The following IRAG1 variants were observed in gnomAD, a reference collection of about 807,000 sequenced individuals.
The protein encoded by IRAG1 is inositol 1,4,5-triphosphate receptor associated 1, also known as IP3R-associated cGMP kinase substrate.
Under a neutral mutation model 106.2 loss-of-function variants are expected in IRAG1, and 62 were observed. The observed-to-expected ratio is 0.58, with a 90% CI of 0.48 to 0.72. The LOEUF is 0.72. Among genes scored for constraint, IRAG1 ranks in the 30% least tolerant of loss-of-function variants. The pLI, the probability that IRAG1 is intolerant of heterozygous loss-of-function variation, is 0.00. For missense variants in IRAG1, 1,064 were observed against 1,140.7 expected, an observed-to-expected ratio of 0.93 and a Z score of 0.97; for synonymous variants, 462 against 443.9, an observed-to-expected ratio of 1.04 and a Z score of -0.51.
At chr11:10,631,835 C>T (rs1327466608) in intron 4 of IRAG1, among the ~76,000 whole-genome samples, 156 bp downstream of exon 4, 4 of 152,220 alleles carry the variant, frequency 2.6e-5, no homozygotes, top group South Asian at 2.1e-4. Context: ...ATATGCTTCT[C>T]CTAGACCCAG....
At chr11:10,652,250 C>G (rs749201156) in intron 1 of IRAG1, 68 bp from the exon 2 acceptor site, 2 of 1,585,584 alleles carry the variant, frequency 1.3e-6, no homozygotes, top group South Asian at 1.1e-5. Flanking sequence ...TTCCATTTCC[C>G]GGAGCCACAA....
At chr11:10,623,164 C>A (rs534816795) in intron 10 of IRAG1, among the ~76,000 whole-genome samples, 1 of 152,172 alleles carries the variant, frequency 6.6e-6, no homozygotes, top group East Asian at 1.9e-4. Flanking sequence ...AGAATGGGGC[C>A]GAGGAAGGGT....
chr11:10,603,128 C>G lies in IRAG1; in HGVS notation c.1867G>C (p.Val623Leu). The change falls in exon 14 of 21, where the codon GTC becomes CTC. Residue 623 changes from valine (V) to leucine (L), a missense_variant. Physicochemically the swap from Val to Leu is conservative, Grantham distance 32 (BLOSUM62 1). Coordinates refer to ENST00000423302, the MANE Select transcript of IRAG1 (RefSeq NM_130385.4). ...LSSRAEVVGAVRQEKRMSKAT... is the reference protein window; with the variant it reads ...LSSRAEVVGALRQEKRMSKAT... ...GGGCTGGAGAGACTCACCTGGCGGA[C>G]GGCGCCTACCACCTCAGCTCGGCTG... 1 of 1,609,316 alleles carries G rather than the reference C, an allele frequency of 6.2e-7. No homozygotes were observed.
chr11:10,574,781 G>C lies in IRAG1; in HGVS notation c.*1551C>G, dbSNP rs1450775338. 6.6e-6 allele frequency: 1 copy of C among 152,220 alleles called. No individual in the cohort carries two copies. The highest frequency in any genetic ancestry group is 6.5e-5 in the Admixed American group (1 of 15,280). The allele number at this position is 152,220 out of a possible 1,614,324, so 9.4% of individuals were successfully genotyped here. On this transcript the variant is annotated 3_prime_UTR_variant, in exon 21 of 21. Coordinates refer to ENST00000423302, the MANE Select transcript of IRAG1 (RefSeq NM_130385.4). ...ACTGAAATGTGAGGCTTCCAGCTAG[G>C]AGACCATCAGAAGAGTCAAGGAGAG...
intron 10 of IRAG1, among the ~76,000 whole-genome samples, chr11:10,610,667 G>C (rs375315362): frequency 1.3e-5 from 2 of 152,226 alleles, no homozygotes; most frequent in African/African-American, 4.8e-5. Context: ...TGCTGTTACA[G>C]AGGCCCAGAT....
At chr11:10,650,735 A>T (rs1858413410) in intron 2 of IRAG1, among the ~76,000 whole-genome samples, 1 of 152,190 alleles carries the variant, frequency 6.6e-6, no homozygotes, top group African/African-American at 2.4e-5. Context: ...TGGACTTGAT[A>T]AAACCCTGGG....
intron 15 of IRAG1, among the ~76,000 whole-genome samples, chr11:10,599,187 C>G (rs921847861): frequency 1.8e-4 from 28 of 152,346 alleles, no homozygotes; most frequent in African/African-American, 6.7e-4. Flanking sequence ...TTTCTTCTGT[C>G]ATAGCACTGG....
rs377618871 is a variant in IRAG1 at position 10,580,580 on chromosome 11, T to G, written c.2370A>C (p.Glu790Asp). Residue 790 changes from glutamate to aspartate, a missense_variant, in exon 20 of 21, where the codon GAA (glutamate) becomes GAC (aspartate). Coordinates refer to ENST00000423302, the MANE Select transcript of IRAG1 (RefSeq NM_130385.4). ...GAAGTTCTTTGGTCTTCTTTAGACC[T>G]TCTTGGAATCTGGGGGGCAAAAAGG... Reference protein sequence around the residue: ...EEEAYSKGFQEGLKKTKELQD... With the variant: ...EEEAYSKGFQDGLKKTKELQD... The G allele has an allele frequency of 6.2e-7, 1 of 1,612,924 alleles. No individual in the cohort carries two copies.
chr11:10,634,950 C>T (rs1857033017), intron 2 of IRAG1, among the ~76,000 whole-genome samples: 1 of 152,106 alleles, frequency 6.6e-6, no homozygotes, highest in Admixed American at 6.5e-5. Context: ...CCTTTATTCC[C>T]CAGCAGGCCC....
In IRAG1 at chr11:10,665,329, T is replaced by C. The variant is rs939590305; in HGVS notation, c.68-13147A>G. ...ACCCCAGCCCAAACACAGAACCTTC[T>C]CCCACCTCTCCAGGATGCCTGTCCC... On this transcript the variant is annotated intron_variant, in intron 1 of 20. Coordinates refer to ENST00000423302, the MANE Select transcript of IRAG1 (RefSeq NM_130385.4). The surrounding 1 kb of genome is among the most constrained non-coding windows in gnomAD (Gnocchi z 4.2). 6.6e-6 allele frequency among the ~76,000 whole-genome samples: 1 copy of C among 152,164 alleles called. No homozygotes were observed. Among genetic ancestry groups the C allele is most frequent in the Non-Finnish European group, 1.5e-5 (1 of 68,020 alleles).
chr11:10,586,867 G>A (rs2134156052), intron 18 of IRAG1, among the ~76,000 whole-genome samples: 1 of 152,342 alleles, frequency 6.6e-6, no homozygotes, highest in Admixed American at 6.5e-5. Flanking sequence ...TACAGTAGGT[G>A]CCTTTAAGTG....
chr11:10,627,616 T>C (rs1195663204), intron 8 of IRAG1, 100 bp downstream of exon 8: 4 of 1,288,356 alleles, frequency 3.1e-6, no homozygotes, highest in Non-Finnish European at 4.5e-6. Flanking sequence ...TACGTGTGCA[T>C]GCACACACAC....
rs780122901 is a variant in IRAG1 at position 10,652,046 on chromosome 11, T to C, written c.204A>G (p.Ala68=). 14 of 1,584,238 alleles carry C rather than the reference T, an allele frequency of 8.8e-6. No individual in the cohort carries two copies. The African/African-American group carries it at 1.6e-4, about 18-fold the overall frequency. The part of the protein sequence containing the change: ...EDEEPPGEPQ[A]AQSPAGQGPP... The stretch of plus-strand genomic sequence containing the variant: ...TTACTTGGCCGGCAGGGCTCTGGGC[T>C]GCCTGTGGCTCTCCGGGGGGCTCCT... Residue 68 remains alanine, a synonymous_variant, in exon 2 of 21, where the codon GCA becomes GCG. Coordinates refer to ENST00000423302, the MANE Select transcript of IRAG1 (RefSeq NM_130385.4).
At chr11:10,586,716 C>T (rs1266407694) in intron 18 of IRAG1, among the ~76,000 whole-genome samples, 1 of 152,180 alleles carries the variant, frequency 6.6e-6, no homozygotes, top group Admixed American at 6.5e-5. Flanking sequence ...CCGCACCTGG[C>T]CCTCTCTCTC....
At chr11:10,651,836 G>A (rs551706161) in intron 2 of IRAG1, among the ~76,000 whole-genome samples, 189 bp downstream of exon 2, 4 of 152,300 alleles carry the variant, frequency 2.6e-5, no homozygotes, top group East Asian at 3.9e-4. Flanking sequence ...TTGGGGCCTC[G>A]GTCAATTCAA....
intron 1 of IRAG1, among the ~76,000 whole-genome samples, chr11:10,652,643 A>T (rs549947565): frequency 6.6e-6 from 1 of 152,296 alleles, no homozygotes; most frequent in African/African-American, 2.4e-5. Flanking sequence ...ACCGCCCCAG[A>T]GAGTGAAAGT....
chr11:10,656,106 A>C (rs1335957883), intron 1 of IRAG1, among the ~76,000 whole-genome samples: 1 of 152,230 alleles, frequency 6.6e-6, no homozygotes, highest in African/African-American at 2.4e-5. Flanking sequence ...CACGGACCTC[A>C]CATCCATCAC....
chr11:10,641,181 T>C (rs927378739), intron 2 of IRAG1, among the ~76,000 whole-genome samples: 1 of 152,194 alleles, frequency 6.6e-6, no homozygotes. Flanking sequence ...CATATTTTCA[T>C]TTTCCAAATC....
At position 10,657,691 on chromosome 11, in the gene IRAG1, C is replaced by T. The variant is rs1260994652; in HGVS notation, c.68-5509G>A. On this transcript the variant is annotated intron_variant, in intron 1 of 20. Coordinates refer to ENST00000423302, the MANE Select transcript of IRAG1 (RefSeq NM_130385.4). This position sits in a 1 kb window ranked among gnomAD's most constrained non-coding sequence, Gnocchi z 4.1. ...AAAGAATGTGAAAGAGATTAGGTTGCTATTAATACCACGGGTCTATCTCTA... is the reference window on the plus strand; with the variant it reads ...AAAGAATGTGAAAGAGATTAGGTTGTTATTAATACCACGGGTCTATCTCTA... 6.6e-6 allele frequency among the ~76,000 whole-genome samples: 1 copy of T among 152,112 alleles called. No homozygotes were observed. Among genetic ancestry groups the T allele is most frequent in the Non-Finnish European group, 1.5e-5 (1 of 68,026 alleles).
Sources: gnomAD v4.1 joint callset for allele counts (sites outside exome capture counted in the v4.1 genomes callset) on GRCh38, gnomAD v4.1.1 for gene constraint, Gnocchi (gnomAD v3.1) non-coding constraint, MANE v1.5 for transcripts, NCBI Gene and HGNC (gene_info 2026-07-23, HGNC 2026-07-21) for gene names.